Variants in ZMYM1 observed in about 807,000 individuals in gnomAD.
The protein encoded by ZMYM1 is zinc finger MYM-type containing 1, also known as zinc finger MYM-type protein 1.
In ZMYM1, 39 loss-of-function variants were observed where a neutral mutation model predicts 60.0. The observed-to-expected ratio is 0.65, with a 90% CI of 0.50 to 0.85. The LOEUF (loss-of-function observed/expected upper bound fraction) is 0.85. Among genes scored for constraint, ZMYM1 ranks in the 40% least tolerant of loss-of-function variants. ZMYM1 has a pLI of 0.00. For synonymous variants in ZMYM1, 413 were observed against 454.0 expected, an observed-to-expected ratio of 0.91 and a Z score of 1.15; for missense variants, 1,171 against 1,309.5, an observed-to-expected ratio of 0.89 and a Z score of 1.63.
intron 4 of ZMYM1, among the ~76,000 whole-genome samples, chr1:35,104,027 G>A (rs1347301534): frequency 6.6e-6 from 1 of 152,104 alleles, no homozygotes; most frequent in Non-Finnish European, 1.5e-5. Flanking sequence ...CTTGAGCCCA[G>A]GAATTTGAGG....
chr1:35,116,211 T>C (rs980930295), downstream of ZMYM1, among the ~76,000 whole-genome samples: 3 of 152,148 alleles, frequency 2.0e-5, 1 homozygote, highest in Non-Finnish European at 4.4e-5. Flanking sequence ...CTCCAGAGTC[T>C]AGGCAACAGA....
intron 6 of ZMYM1, among the ~76,000 whole-genome samples, chr1:35,106,938 G>A (rs111954288): frequency 0.022 from 3,338 of 151,488 alleles, 47 homozygotes; most frequent in Non-Finnish European, 0.034. Flanking sequence ...TGCAAGCTCC[G>A]CCTCGCGGGT....
downstream of ZMYM1, among the ~76,000 whole-genome samples, chr1:35,118,673 C>T (rs1006613201): frequency 4.6e-5 from 7 of 152,092 alleles, no homozygotes; most frequent in African/African-American, 1.7e-4. Context: ...CACCACAGCA[C>T]TCCAGCCTGG....
Position 35,112,960 on chromosome 1 carries a change from C to T in ZMYM1, c.1147-17C>T. ...TTTGAAAACTGTTAAATGTTCTTTT[C>T]TCATTTTCTCCCAAAGCTTTCTAAG... On this transcript the variant is annotated splice_polypyrimidine_tract_variant and intron_variant, in intron 9 of 9. Transcript: ENST00000359858. 6.7e-7 allele frequency: 1 copy of T among 1,492,540 alleles called. No individual in the cohort carries two copies. Among genetic ancestry groups the T allele is most frequent in the Non-Finnish European group, 8.9e-7 (1 of 1,122,354 alleles). The allele number at this position is 1,492,540 out of a possible 1,614,324, so 92.5% of individuals were successfully genotyped here.
intron 6 of ZMYM1, among the ~76,000 whole-genome samples, chr1:35,107,611 G>C (rs1332486530): frequency 6.6e-6 from 1 of 152,158 alleles, no homozygotes; most frequent in Non-Finnish European, 1.5e-5. Flanking sequence ...TCATGTGACA[G>C]TGATAATGGA....
At chr1:35,073,910 C>T (rs570875749) in intron 1 of ZMYM1, among the ~76,000 whole-genome samples, 1 of 152,158 alleles carries the variant, frequency 6.6e-6, no homozygotes, top group African/African-American at 2.4e-5. Flanking sequence ...ATTCTTCTGC[C>T]TCAGCTGGGA....
chr1:35,095,650 A>G (rs1279640674), intron 2 of ZMYM1, among the ~76,000 whole-genome samples, 169 bp from the exon 3 acceptor site: 1 of 152,186 alleles, frequency 6.6e-6, no homozygotes, highest in African/African-American at 2.4e-5. Flanking sequence ...TAGTGTTGTC[A>G]GCCAAAGAGC....
intron 4 of ZMYM1, among the ~76,000 whole-genome samples, chr1:35,103,746 C>T (rs1258259339): frequency 6.6e-6 from 1 of 152,158 alleles, no homozygotes; most frequent in African/African-American, 2.4e-5. Flanking sequence ...AACATCAACA[C>T]GGTGAAAAAG....
chr1:35,076,851 G>A (rs1285800245), upstream of ZMYM1, among the ~76,000 whole-genome samples: 1 of 150,020 alleles, frequency 6.7e-6, no homozygotes, highest in Admixed American at 6.7e-5. Context: ...AGAATCGCTT[G>A]AACCCAGGAG....
rs1450453863 is a variant in ZMYM1 at position 35,114,993 on chromosome 1, A to T, written c.3163A>T (p.Ile1055Phe). 1 of 1,613,990 alleles carries T rather than the reference A, an allele frequency of 6.2e-7. No individual in the cohort carries two copies. The highest frequency in any genetic ancestry group is 8.5e-7 in the Non-Finnish European group (1 of 1,179,968). Reference protein sequence around the residue: ...INFVSLGCLFIQHGLHSNIPC... With the variant: ...INFVSLGCLFFQHGLHSNIPC... ...CTTCGTCAGTCTCGGCTGTTTGTTT[A>T]TTCAGCATGGTCTTCACAGTAATAT... Residue 1055 changes from isoleucine to phenylalanine, a missense_variant, in exon 10 of 10, where the codon ATT becomes TTT. Transcript: ENST00000359858.
chr1:35,077,087 A>T (rs570636334), upstream of ZMYM1, among the ~76,000 whole-genome samples: 1 of 152,134 alleles, frequency 6.6e-6, no homozygotes, highest in African/African-American at 2.4e-5. Context: ...TGTGACCTAC[A>T]TCTACTGCTT....
intron 4 of ZMYM1, 75 bp from the exon 5 acceptor site, chr1:35,104,220 A>T: frequency 7.9e-7 from 1 of 1,269,058 alleles, no homozygotes; most frequent in South Asian, 1.7e-5. Context: ...CTAATTTGAG[A>T]GGTCATTTCA....
At chr1:35,063,904 C>G (rs1299831602) in intron 1 of ZMYM1, among the ~76,000 whole-genome samples, 3 of 152,196 alleles carry the variant, frequency 2.0e-5, no homozygotes, top group Non-Finnish European at 4.4e-5. Context: ...AGAAGAATTT[C>G]CCTCACTGAT....
At chr1:35,083,614 T>C (rs528643993) in intron 1 of ZMYM1, among the ~76,000 whole-genome samples, 1 of 152,154 alleles carries the variant, frequency 6.6e-6, no homozygotes, top group African/African-American at 2.4e-5. Context: ...TGTAGGTATT[T>C]TTTGTTTTTG....
rs1410730695 is a variant in ZMYM1 at position 35,112,688 on chromosome 1, TA to T, written c.1147-288del. On this transcript the variant is annotated intron_variant, in intron 9 of 9. Transcript: ENST00000359858. ...TGTTTGTAGATTGTTTAAACAGAAG[TA>T]TTTTTTTCCTCTGGGTTCTTCTTTT... Among the ~76,000 whole-genome samples the T allele has an allele frequency of 2.0e-5, 3 of 149,686 alleles. No homozygotes were observed. The Admixed American group carries it at 2.0e-4, about 10-fold the overall frequency.
intron 1 of ZMYM1, among the ~76,000 whole-genome samples, chr1:35,088,577 C>T (rs1478982276): frequency 6.7e-6 from 1 of 148,660 alleles, no homozygotes; most frequent in Non-Finnish European, 1.5e-5. Flanking sequence ...AACATTCATC[C>T]TTTGACTATT....
rs778430724 is a variant in ZMYM1, at chr1:35,113,030, G to C, written c.1200G>C (p.Thr400=). Reference sequence around the variant, plus strand: ...GTAATGCTGTTGCTAGTAGTAGTACGGAACAGCCAAGCGTTTCACCATCTT... The same window carrying C: ...GTAATGCTGTTGCTAGTAGTAGTACCGAACAGCCAAGCGTTTCACCATCTT... The part of the protein sequence containing the change: ...EPSNAVASSS[T]EQPSVSPSSS... Residue 400 remains threonine, a synonymous_variant, in exon 10 of 10, where the codon ACG becomes ACC. Transcript: ENST00000359858. The C allele has an allele frequency of 1.1e-5, 17 of 1,612,734 alleles. No homozygotes were observed. Among genetic ancestry groups the C allele is most frequent in the Admixed American group, 6.7e-5 (4 of 59,790 alleles).
At chr1:35,117,179 T>G (rs1644258554), downstream of ZMYM1, among the ~76,000 whole-genome samples, 1 of 151,848 alleles carries the variant, frequency 6.6e-6, no homozygotes, top group South Asian at 2.1e-4. Context: ...CTCCAGCTGT[T>G]TCTCCCTTAC....
chr1:35,118,698 C>T (rs747915210), downstream of ZMYM1, among the ~76,000 whole-genome samples: 2 of 152,038 alleles, frequency 1.3e-5, no homozygotes, highest in Admixed American at 6.6e-5. Context: ...CAGAGCAAGA[C>T]TCCATCTCAA....
Sources: gnomAD v4.1 joint callset for allele counts (sites outside exome capture counted in the v4.1 genomes callset) on GRCh38, gnomAD v4.1.1 for gene constraint, MANE v1.5 for transcripts, NCBI Gene and HGNC (gene_info 2026-07-23, HGNC 2026-07-21) for gene names.